The following INSL6 variants were observed in gnomAD, a reference collection of about 807,000 sequenced individuals.
INSL6 encodes the protein insulin-like peptide INSL6.
In INSL6, 16 loss-of-function variants were observed where a neutral mutation model predicts 9.4. The observed-to-expected ratio is 1.70, with a 90% confidence interval of 1.15 to 2.59. INSL6 has a LOEUF of 2.59. Ranked by LOEUF, INSL6 falls within the 30% of genes most tolerant of loss-of-function variation. The pLI is 0.00. For synonymous variants in INSL6, 154 were observed against 96.9 expected (o/e 1.59, Z -3.46); for missense variants, 391 against 257.3 (o/e 1.52, Z -3.56).
chr9:5,120,734 CTGAT>C (rs1345140535), downstream of INSL6, among the ~76,000 whole-genome samples: 7 of 152,172 alleles, frequency 4.6e-5, no homozygotes, highest in South Asian at 1.2e-3. Flanking sequence ...GGTTAGGAGA[CTGAT>C]TGGAGATATT....
the INSL6 span, among the ~76,000 whole-genome samples, chr9:5,115,021 T>C: frequency 6.6e-6 from 1 of 152,150 alleles, no homozygotes; most frequent in Non-Finnish European, 1.5e-5. Flanking sequence ...AAGGACTTCA[T>C]GACTAAAACA....
the INSL6 span, among the ~76,000 whole-genome samples, chr9:5,088,506 T>A: frequency 9.9e-5 from 15 of 151,278 alleles, no homozygotes; most frequent in Non-Finnish European, 1.8e-4. Context: ...TTAATGAGTT[T>A]TAGGTAAAAA....
At chr9:5,159,643 C>G (rs141911022), downstream of INSL6, among the ~76,000 whole-genome samples, 3 of 152,106 alleles carry the variant, frequency 2.0e-5, no homozygotes, top group African/African-American at 7.2e-5. Flanking sequence ...AGCACCCAGA[C>G]GTATAAAGCA....
chr9:5,179,459 C>T (rs184917333), intron 1 of INSL6, among the ~76,000 whole-genome samples: 8 of 152,166 alleles, frequency 5.3e-5, no homozygotes, highest in Admixed American at 4.6e-4. Context: ...GACCTAGAGG[C>T]AGAAATACCA....
In INSL6 at chr9:5,137,758, A is replaced by C. The variant is rs1405198464; in HGVS notation, c.377-4166T>G. ...CATATGGGATCTAATTAAACTAAAG[A>C]GCTTCTGTACAGCAAAAGAAACTAT... On this transcript the variant is annotated intron_variant, in intron 2 of 3. Transcript: ENST00000649639. Among the ~76,000 whole-genome samples, 4 of 152,338 alleles carry C rather than the reference A, an allele frequency of 2.6e-5. No homozygotes were observed. The East Asian group carries it at 7.7e-4, about 29-fold the overall frequency.
chr9:5,107,557 G>C, the INSL6 span, among the ~76,000 whole-genome samples: 18 of 152,230 alleles, frequency 1.2e-4, no homozygotes, highest in East Asian at 1.9e-4. Flanking sequence ...AAAAGGGTTA[G>C]ATTGAATTGA....
chr9:5,009,783 T>C, the INSL6 span, among the ~76,000 whole-genome samples: 1 of 152,108 alleles, frequency 6.6e-6, no homozygotes, highest in Admixed American at 6.6e-5. Context: ...AAATTTTTTT[T>C]TTTTGCAGTC....
At chr9:5,087,789 A>C in the INSL6 span, among the ~76,000 whole-genome samples, 2 of 152,220 alleles carry the variant, frequency 1.3e-5, no homozygotes, top group Non-Finnish European at 2.9e-5. Flanking sequence ...TATCTTTTGA[A>C]CAGCTAATTA....
the INSL6 span, chr9:5,055,882 G>A: frequency 8.7e-7 from 1 of 1,145,352 alleles, no homozygotes; most frequent in Admixed American, 2.4e-5. Flanking sequence ...TTTCTGGTAG[G>A]AATTTTGATT....
chr9:5,004,391 C>G, the INSL6 span, among the ~76,000 whole-genome samples: 2 of 152,082 alleles, frequency 1.3e-5, no homozygotes, highest in African/African-American at 2.4e-5. Context: ...ACAGTTTTGT[C>G]TTTCTGTGCC....
chr9:5,090,658 T>C, the INSL6 span: 2 of 1,514,210 alleles, frequency 1.3e-6, no homozygotes, highest in African/African-American at 1.4e-5. Flanking sequence ...TCATAGATAA[T>C]AAAGGGAATA....
rs148209153 is a variant in INSL6, at chr9:5,174,771, C to A, written c.290-10506G>T. ...AACAAGTCCACATTAATGTTTCAAA[C>A]TCAACATTGTCTAAAACTCCACAAA... On this transcript the variant is annotated intron_variant, in intron 1 of 1. Coordinates refer to ENST00000381641, the MANE Select transcript of INSL6 (RefSeq NM_007179.3). 7.1e-3 allele frequency among the ~76,000 whole-genome samples: 1,085 copies of A among 152,258 alleles called. 10 individuals carry two copies. Among genetic ancestry groups the A allele is most frequent in the African/African-American group, 0.025 (1,040 of 41,556 alleles).
downstream of INSL6, among the ~76,000 whole-genome samples, chr9:5,121,975 A>G (rs148274340): frequency 2.0e-3 from 300 of 152,010 alleles, 4 homozygotes; most frequent in Admixed American, 0.018. Flanking sequence ...TGATAATAAC[A>G]TAACTAGATA....
chr9:5,078,607 C>G, the INSL6 span, among the ~76,000 whole-genome samples: 1 of 152,056 alleles, frequency 6.6e-6, no homozygotes, highest in Non-Finnish European at 1.5e-5. Flanking sequence ...AAATCTTAGT[C>G]TCTATTTTTC....
At chr9:5,106,353 T>C in the INSL6 span, among the ~76,000 whole-genome samples, 1 of 152,172 alleles carries the variant, frequency 6.6e-6, no homozygotes, top group African/African-American at 2.4e-5. Context: ...TGAGATACCA[T>C]CTCATGCCAG....
chr9:5,082,117 G>C, the INSL6 span, among the ~76,000 whole-genome samples: 1 of 149,706 alleles, frequency 6.7e-6, no homozygotes, highest in African/African-American at 2.6e-5. Flanking sequence ...AAGACACAGA[G>C]ACAAAAGTAT....
the INSL6 span, among the ~76,000 whole-genome samples, chr9:5,057,716 G>C: frequency 6.6e-6 from 1 of 151,554 alleles, no homozygotes; most frequent in Non-Finnish European, 1.5e-5. Flanking sequence ...CCGATAGCTG[G>C]GATTACAGGT....
chr9:5,146,745 G>A (rs776353414), intron 2 of INSL6, among the ~76,000 whole-genome samples: 7 of 152,216 alleles, frequency 4.6e-5, no homozygotes, highest in East Asian at 3.9e-4. Flanking sequence ...ACATGTGCCA[G>A]CAAAGCAATG....
At chr9:5,075,516 T>A in the INSL6 span, among the ~76,000 whole-genome samples, 5 of 152,336 alleles carry the variant, frequency 3.3e-5, no homozygotes, top group African/African-American at 4.8e-5. Flanking sequence ...ACTCTGCCTG[T>A]GCTCTATACA....
Sources: allele counts gnomAD v4.1 joint callset (sites outside exome capture counted in the v4.1 genomes callset), GRCh38; gene constraint gnomAD v4.1.1; transcripts MANE v1.5; gene names NCBI Gene and HGNC (gene_info 2026-07-23, HGNC 2026-07-21).